DLGAP2: variants seen among roughly 807,000 people sequenced by gnomAD.
The protein encoded by DLGAP2 is disks large-associated protein 2.
Under a neutral mutation model 100.3 loss-of-function variants are expected in DLGAP2, and 26 were observed. That is an observed-to-expected ratio of 0.26 (90% confidence interval 0.19 to 0.36). DLGAP2 has a LOEUF of 0.36. DLGAP2 is among the 10% of genes least tolerant of loss of function. The probability of loss-of-function intolerance (pLI) is 1.00; values close to 1 mark genes in which losing one functional copy is unlikely to be tolerated. For synonymous variants in DLGAP2, 886 were observed against 630.1 expected, an observed-to-expected ratio of 1.41 and a Z score of -6.08; for missense variants, 1,858 against 1,453.2, an observed-to-expected ratio of 1.28 and a Z score of -4.53.
intron 12 of DLGAP2, among the ~76,000 whole-genome samples, chr8:1,687,524 C>T (rs1309919498): frequency 2.6e-5 from 4 of 152,212 alleles, no homozygotes; most frequent in African/African-American, 9.6e-5. Flanking sequence ...CATTCTCACT[C>T]ACTGAACAGC....
intron 3 of DLGAP2, among the ~76,000 whole-genome samples, chr8:1,436,190 G>A (rs1445224484): frequency 9.9e-5 from 15 of 152,180 alleles, no homozygotes; most frequent in Admixed American, 2.0e-4. Flanking sequence ...AAGCCAGTCC[G>A]AGGCCCAAAA....
intron 3 of DLGAP2, among the ~76,000 whole-genome samples, chr8:1,313,862 G>A (rs1374868127): frequency 6.6e-6 from 1 of 152,056 alleles, no homozygotes; most frequent in Non-Finnish European, 1.5e-5. Flanking sequence ...ATATTCATCA[G>A]CAGCATCAAA....
chr8:1,214,751 A>G (rs1051481089), intron 2 of DLGAP2, among the ~76,000 whole-genome samples: 2 of 152,228 alleles, frequency 1.3e-5, no homozygotes, highest in Admixed American at 6.5e-5. Flanking sequence ...GTCTATGTAG[A>G]GTGAATGAAT....
At chr8:1,431,692 T>G (rs543041019) in intron 3 of DLGAP2, among the ~76,000 whole-genome samples, 2 of 152,218 alleles carry the variant, frequency 1.3e-5, no homozygotes, top group South Asian at 4.1e-4. Flanking sequence ...GACTGCGGAG[T>G]GGAGGCACTG....
intron 2 of DLGAP2, among the ~76,000 whole-genome samples, chr8:1,025,650 C>T (rs950148468): frequency 2.6e-5 from 4 of 152,238 alleles, no homozygotes; most frequent in South Asian, 2.1e-4. Context: ...TCTGTACTTG[C>T]CCACCCTCCC....
intron 2 of DLGAP2, among the ~76,000 whole-genome samples, chr8:955,598 C>T (rs1175571116): frequency 1.3e-5 from 2 of 152,232 alleles, no homozygotes; most frequent in Non-Finnish European, 2.9e-5. Flanking sequence ...ATTTATAATA[C>T]GTGGGATCTA....
chr8:1,524,415 C>G (rs1332565358), intron 4 of DLGAP2, among the ~76,000 whole-genome samples: 2 of 152,290 alleles, frequency 1.3e-5, no homozygotes, highest in African/African-American at 2.4e-5. Context: ...CTGAAATGCT[C>G]CCTGTAGAGT....
chr8:999,422 A>G (rs573861578), intron 2 of DLGAP2, among the ~76,000 whole-genome samples: 65 of 143,650 alleles, frequency 4.5e-4, no homozygotes, highest in African/African-American at 1.6e-3. Flanking sequence ...TGTGCTTTGT[A>G]TTTTGTTTTG....
chr8:1,258,950 C>T (rs1458661933), intron 3 of DLGAP2, 67 bp downstream of exon 3: 2 of 1,191,900 alleles, frequency 1.7e-6, no homozygotes, highest in Non-Finnish European at 2.1e-6. Flanking sequence ...TGGCTGGCAA[C>T]AGTCTACCAT....
intron 4 of DLGAP2, among the ~76,000 whole-genome samples, chr8:1,526,529 A>C (rs1800798482): frequency 6.6e-6 from 1 of 152,204 alleles, no homozygotes. Flanking sequence ...CTGAATTACA[A>C]TCATTTGAAC....
chr8:1,213,998 C>T (rs1040200968), intron 2 of DLGAP2, among the ~76,000 whole-genome samples: 12 of 149,586 alleles, frequency 8.0e-5, no homozygotes, highest in African/African-American at 3.1e-4. Flanking sequence ...CCCTAGCATC[C>T]ATTCAGAGAC....
At chr8:1,471,572 T>C (rs1584936079) in intron 3 of DLGAP2, among the ~76,000 whole-genome samples, 1 of 75,782 alleles carries the variant, frequency 1.3e-5, no homozygotes, top group Non-Finnish European at 2.6e-5. Context: ...CGCCCTCCCC[T>C]CCCCAGCCTC....
intron 8 of DLGAP2, among the ~76,000 whole-genome samples, chr8:1,639,224 G>A (rs187871542): frequency 6.6e-6 from 1 of 152,252 alleles, no homozygotes; most frequent in East Asian, 1.9e-4. Flanking sequence ...GAAGAGGCCT[G>A]AGACCAGAGC....
At chr8:1,068,481 G>A (rs1803325011) in intron 2 of DLGAP2, among the ~76,000 whole-genome samples, 1 of 152,140 alleles carries the variant, frequency 6.6e-6, no homozygotes, top group Admixed American at 6.5e-5. Context: ...GCTGGGTTTT[G>A]GCCTTGCTCA....
At chr8:1,119,624 G>A (rs774540426) in intron 2 of DLGAP2, among the ~76,000 whole-genome samples, 1 of 152,246 alleles carries the variant, frequency 6.6e-6, no homozygotes, top group Non-Finnish European at 1.5e-5. Context: ...CACACACGCT[G>A]TTTCCTCATG....
chr8:1,530,829 A>G (rs1470360249), intron 4 of DLGAP2, among the ~76,000 whole-genome samples: 1 of 152,174 alleles, frequency 6.6e-6, no homozygotes, highest in African/African-American at 2.4e-5. Context: ...CCACGTGCAT[A>G]CCTTCCCCAC....
intron 10 of DLGAP2, among the ~76,000 whole-genome samples, chr8:1,670,825 A>C (rs1250609551): frequency 6.6e-6 from 1 of 152,230 alleles, no homozygotes; most frequent in Non-Finnish European, 1.5e-5. Flanking sequence ...GATAAGGAAA[A>C]CAGCCAAAGA....
intron 3 of DLGAP2, among the ~76,000 whole-genome samples, chr8:1,384,091 T>C (rs975670452): frequency 6.6e-6 from 1 of 152,248 alleles, no homozygotes; most frequent in Non-Finnish European, 1.5e-5. Flanking sequence ...TATTTAGGCA[T>C]CAATTAATAG....
At chr8:989,362 C>T (rs1410179882) in intron 2 of DLGAP2, among the ~76,000 whole-genome samples, 3 of 152,170 alleles carry the variant, frequency 2.0e-5, no homozygotes, top group African/African-American at 7.2e-5. Context: ...TTTTTTATGC[C>T]TGACACCTTA....
Sources: gnomAD v4.1 joint callset for allele counts (sites outside exome capture counted in the v4.1 genomes callset) on GRCh38, gnomAD v4.1.1 for gene constraint, MANE v1.5 for transcripts, NCBI Gene and HGNC (gene_info 2026-07-23, HGNC 2026-07-21) for gene names.